UNC13C: variants seen among roughly 807,000 people sequenced by gnomAD.
UNC13C encodes protein unc-13 homolog C.
UNC13C carries 174 observed loss-of-function variants against 245.4 expected under a neutral mutation model. That is an observed-to-expected ratio of 0.71 (90% CI 0.63 to 0.80). UNC13C has a LOEUF of 0.80. Ranked by LOEUF, UNC13C falls within the 30% of genes least tolerant of loss-of-function variation. The pLI is 0.00. For missense variants in UNC13C, 2,829 were observed against 2,602.9 expected (o/e 1.09, Z -1.89); for synonymous variants, 992 against 895.1 (o/e 1.11, Z -1.93).
chr15:54,472,365 T>C (rs1185897327), intron 19 of UNC13C, among the ~76,000 whole-genome samples: 1 of 151,858 alleles, frequency 6.6e-6, no homozygotes, highest in Non-Finnish European at 1.5e-5. Flanking sequence ...AACTTTTTAC[T>C]GAAGATTATC....
At chr15:54,131,298 T>A (rs1041932629) in intron 2 of UNC13C, among the ~76,000 whole-genome samples, 1 of 152,186 alleles carries the variant, frequency 6.6e-6, no homozygotes, top group Non-Finnish European at 1.5e-5. Context: ...GAAAATAAAA[T>A]TTTGATTGTG....
chr15:53,898,206 CCAT>C, the UNC13C span, among the ~76,000 whole-genome samples: 20 of 150,996 alleles, frequency 1.3e-4, no homozygotes, highest in East Asian at 5.8e-4. Context: ...ACCACCACCA[CCAT>C]CATCATCATC....
chr15:54,278,245 TA>T (rs1436804792), intron 10 of UNC13C, among the ~76,000 whole-genome samples: 1 of 152,104 alleles, frequency 6.6e-6, no homozygotes, highest in Non-Finnish European at 1.5e-5. Flanking sequence ...TCCTTATGAG[TA>T]TGGATCTTGT....
intron 11 of UNC13C, among the ~76,000 whole-genome samples, chr15:54,294,455 GA>G (rs1180780161): frequency 6.6e-6 from 1 of 152,000 alleles, no homozygotes; most frequent in Non-Finnish European, 1.5e-5. Context: ...GGCAATGAAG[GA>G]AAAATGTATT....
chr15:54,357,976 C>T (rs1405618675), intron 17 of UNC13C, among the ~76,000 whole-genome samples: 1 of 152,046 alleles, frequency 6.6e-6, no homozygotes, highest in Non-Finnish European at 1.5e-5. Context: ...TCATAGTGCA[C>T]AAAGATATCT....
At chr15:53,848,848 TA>T in the UNC13C span, among the ~76,000 whole-genome samples, 5 of 152,138 alleles carry the variant, frequency 3.3e-5, no homozygotes, top group African/African-American at 1.2e-4. Flanking sequence ...ATTGTATTTT[TA>T]TATCTTCTTG....
intron 4 of UNC13C, among the ~76,000 whole-genome samples, chr15:54,182,184 T>C (rs1482176307): frequency 6.6e-6 from 1 of 152,066 alleles, no homozygotes; most frequent in East Asian, 1.9e-4. Context: ...CATAGATAAC[T>C]CTTATTATTT....
intron 29 of UNC13C, among the ~76,000 whole-genome samples, chr15:54,566,712 C>T (rs1897531404): frequency 6.6e-6 from 1 of 151,788 alleles, no homozygotes; most frequent in Admixed American, 6.6e-5. Flanking sequence ...TAAAATTTTT[C>T]TGCATCTCCC....
intron 27 of UNC13C, 50 bp downstream of exon 27, chr15:54,546,895 T>A: frequency 6.7e-7 from 1 of 1,488,970 alleles, no homozygotes; most frequent in East Asian, 2.5e-5. Flanking sequence ...CTGTTTTTGG[T>A]TTAAGTGAAT....
chr15:54,475,212 T>G (rs1892660856), intron 19 of UNC13C, among the ~76,000 whole-genome samples: 1 of 151,834 alleles, frequency 6.6e-6, no homozygotes, highest in African/African-American at 2.4e-5. Flanking sequence ...TTTTGTAGTG[T>G]CAGGTCTGAT....
intron 4 of UNC13C, among the ~76,000 whole-genome samples, chr15:54,199,602 A>G (rs2034458899): frequency 6.6e-6 from 1 of 152,158 alleles, no homozygotes; most frequent in South Asian, 2.1e-4. Context: ...GGCTTCACAA[A>G]TGAAAGAAAG....
chr15:54,030,678 G>A (rs934520643), intron 2 of UNC13C, among the ~76,000 whole-genome samples: 1 of 152,136 alleles, frequency 6.6e-6, no homozygotes, highest in Non-Finnish European at 1.5e-5. Flanking sequence ...TTTTCTCACA[G>A]TTCCAGAGGT....
chr15:54,615,717 C>G (rs1207665093), intron 30 of UNC13C, among the ~76,000 whole-genome samples: 1 of 151,944 alleles, frequency 6.6e-6, no homozygotes, highest in Non-Finnish European at 1.5e-5. Flanking sequence ...TATTTTTCCC[C>G]AACTGCTGTG....
chr15:54,028,038 A>G (rs988099417), intron 2 of UNC13C, among the ~76,000 whole-genome samples: 1 of 152,196 alleles, frequency 6.6e-6, no homozygotes, highest in African/African-American at 2.4e-5. Flanking sequence ...GACATTGTAC[A>G]TTAACACTGT....
chr15:54,581,484 G>T (rs1485317994), intron 30 of UNC13C, among the ~76,000 whole-genome samples: 3 of 152,208 alleles, frequency 2.0e-5, no homozygotes, highest in African/African-American at 7.2e-5. Context: ...CTCCTGGCTT[G>T]CAGACAGCCT....
intron 13 of UNC13C, among the ~76,000 whole-genome samples, chr15:54,303,683 G>T (rs534261432): frequency 6.7e-6 from 1 of 149,146 alleles, no homozygotes; most frequent in Non-Finnish European, 1.5e-5. Flanking sequence ...TTGAGGACAC[G>T]CTCCCATGAC....
chr15:54,088,201 C>CTTT (rs59075201), intron 2 of UNC13C, among the ~76,000 whole-genome samples: 5 of 103,926 alleles, frequency 4.8e-5, no homozygotes, highest in African/African-American at 1.5e-4. Context: ...CTTCCTTTTC[C>CTTT]TTTTTTTTTT....
At chr15:54,486,743 A>C (rs567254010) in intron 19 of UNC13C, among the ~76,000 whole-genome samples, 15 of 152,282 alleles carry the variant, frequency 9.9e-5, no homozygotes, top group Admixed American at 9.2e-4. Context: ...CTTTTTTAAA[A>C]ATACCCTTTC....
the UNC13C span, among the ~76,000 whole-genome samples, chr15:53,898,238 T>C: frequency 6.6e-6 from 1 of 152,060 alleles, no homozygotes; most frequent in East Asian, 1.9e-4. Flanking sequence ...CATCATCTTC[T>C]ACTGTTAAAG....
Sources: gnomAD v4.1 joint callset for allele counts (sites outside exome capture counted in the v4.1 genomes callset) on GRCh38, gnomAD v4.1.1 for gene constraint, MANE v1.5 for transcripts, NCBI Gene and HGNC (gene_info 2026-07-23, HGNC 2026-07-21) for gene names.